Variants in OXR1 observed in about 807,000 individuals in gnomAD.
OXR1 encodes the protein oxidation resistance 1.
Under a neutral mutation model 104.6 loss-of-function variants are expected in OXR1, and 41 were observed. That is an observed-to-expected ratio of 0.39 (90% CI 0.31 to 0.51). The LOEUF (loss-of-function observed/expected upper bound fraction) is 0.51, where lower values mean the gene tolerates loss of function less well. Among genes scored for constraint, OXR1 ranks in the 20% least tolerant of loss-of-function variants. OXR1 has a pLI of 0.77. For synonymous variants in OXR1, 348 were observed against 348.4 expected, an observed-to-expected ratio of 1.00 and a Z score of 0.01; for missense variants, 955 against 1,031.9, an observed-to-expected ratio of 0.93 and a Z score of 1.02.
chr8:106,509,172 G>A (rs999975708), intron 2 of OXR1, among the ~76,000 whole-genome samples: 1 of 152,120 alleles, frequency 6.6e-6, no homozygotes, highest in African/African-American at 2.4e-5. Flanking sequence ...ATCTCTGTGA[G>A]TTACTGCAAA....
At chr8:106,301,505 T>G (rs1263762311) in intron 1 of OXR1, among the ~76,000 whole-genome samples, 1 of 152,220 alleles carries the variant, frequency 6.6e-6, no homozygotes, top group Non-Finnish European at 1.5e-5. Context: ...ACTTTTGTAA[T>G]GCAGTTGTGT....
chr8:106,701,535 G>A (rs189637493), intron 7 of OXR1, among the ~76,000 whole-genome samples: 75 of 152,262 alleles, frequency 4.9e-4, no homozygotes, highest in Non-Finnish European at 8.7e-4. Context: ...TGGATAAGAA[G>A]CTATTTAGTT....
chr8:106,586,057 G>A (rs1818605826), intron 3 of OXR1, among the ~76,000 whole-genome samples: 1 of 152,154 alleles, frequency 6.6e-6, no homozygotes, highest in Admixed American at 6.5e-5. Flanking sequence ...GTGATTTTGA[G>A]CAATGATTTG....
At chr8:106,606,201 C>G (rs1271683353) in intron 3 of OXR1, among the ~76,000 whole-genome samples, 1 of 152,110 alleles carries the variant, frequency 6.6e-6, no homozygotes, top group South Asian at 2.1e-4. Flanking sequence ...TAGAGGCCCC[C>G]TACTTTCCCT....
At chr8:106,613,508 C>T (rs1179398410) in intron 3 of OXR1, among the ~76,000 whole-genome samples, 1 of 152,236 alleles carries the variant, frequency 6.6e-6, no homozygotes, top group African/African-American at 2.4e-5. Context: ...AAGCAAGTCT[C>T]CTACCTCATT....
intron 3 of OXR1, among the ~76,000 whole-genome samples, chr8:106,523,236 A>C (rs1375985813): frequency 6.6e-6 from 1 of 152,210 alleles, no homozygotes; most frequent in Non-Finnish European, 1.5e-5. Context: ...CTCTGCTCTT[A>C]AAGAATTCAT....
At chr8:106,272,665 A>C (rs1018564837) in intron 1 of OXR1, 1 of 152,226 alleles carries the variant, frequency 6.6e-6, no homozygotes, top group Non-Finnish European at 1.5e-5. Flanking sequence ...TCCATGTGAC[A>C]GTGGCTGGCT....
intron 11 of OXR1, among the ~76,000 whole-genome samples, chr8:106,729,026 G>A (rs762197817): frequency 1.3e-5 from 2 of 152,148 alleles, no homozygotes; most frequent in Non-Finnish European, 2.9e-5. Context: ...TTTAGGAAGA[G>A]CTAATTTAAA....
chr8:106,442,166 G>A (rs779346708), intron 2 of OXR1, among the ~76,000 whole-genome samples: 8 of 152,126 alleles, frequency 5.3e-5, no homozygotes, highest in Non-Finnish European at 1.0e-4. Context: ...CATCTATTGA[G>A]ATAATCATGT....
intron 2 of OXR1, among the ~76,000 whole-genome samples, chr8:106,399,824 A>G (rs1239135318): frequency 1.3e-5 from 2 of 152,164 alleles, no homozygotes; most frequent in Non-Finnish European, 2.9e-5. Context: ...TTGAACTCAG[A>G]CAGTCTGATT....
intron 3 of OXR1, among the ~76,000 whole-genome samples, chr8:106,589,889 A>G (rs1183807108): frequency 6.6e-6 from 1 of 151,646 alleles, no homozygotes; most frequent in East Asian, 1.9e-4. Context: ...CTGGTCTTAA[A>G]CTCCCAACCT....
At chr8:106,570,424 GA>G (rs1817391337) in intron 3 of OXR1, among the ~76,000 whole-genome samples, 1 of 152,148 alleles carries the variant, frequency 6.6e-6, no homozygotes, top group African/African-American at 2.4e-5. Context: ...CAACATGAAC[GA>G]TTAGGAAGGA....
At chr8:106,633,571 C>G (rs1822885774) in intron 3 of OXR1, among the ~76,000 whole-genome samples, 1 of 152,112 alleles carries the variant, frequency 6.6e-6, no homozygotes, top group Non-Finnish European at 1.5e-5. Context: ...AAGTGTAGAA[C>G]AATGTTGGGC....
At chr8:106,295,488 C>T (rs535647235) in intron 1 of OXR1, among the ~76,000 whole-genome samples, 15 of 151,838 alleles carry the variant, frequency 9.9e-5, no homozygotes, top group Non-Finnish European at 1.5e-4. Context: ...ATGTTATGCA[C>T]GACTCATTAT....
At chr8:106,652,248 G>A (rs979903616) in intron 3 of OXR1, among the ~76,000 whole-genome samples, 5 of 152,104 alleles carry the variant, frequency 3.3e-5, no homozygotes, top group African/African-American at 9.7e-5. Flanking sequence ...AATTTGCTGA[G>A]AGTGAGCTTG....
intron 3 of OXR1, among the ~76,000 whole-genome samples, chr8:106,520,828 A>G (rs1298728216): frequency 6.6e-6 from 1 of 152,232 alleles, no homozygotes; most frequent in African/African-American, 2.4e-5. Context: ...TCAGCAAATA[A>G]AGCTTATCCT....
intron 15 of OXR1, among the ~76,000 whole-genome samples, chr8:106,743,122 G>A (rs953121519): frequency 7.2e-5 from 11 of 152,028 alleles, no homozygotes; most frequent in Admixed American, 5.2e-4. Context: ...TGAAAAGTGG[G>A]CAAAGACACT....
chr8:106,618,116 A>T (rs1350518933), intron 3 of OXR1: 15 of 1,535,952 alleles, frequency 9.8e-6, no homozygotes, highest in African/African-American at 1.4e-5. Flanking sequence ...CCTCTTCTTG[A>T]AAGCAGCTCA....
At chr8:106,282,572 A>G (rs1586468658) in intron 1 of OXR1, among the ~76,000 whole-genome samples, 1 of 152,224 alleles carries the variant, frequency 6.6e-6, no homozygotes, top group East Asian at 1.9e-4. Context: ...TGTGATATGT[A>G]TTATATACTG....
Sources: allele counts gnomAD v4.1 joint callset (sites outside exome capture counted in the v4.1 genomes callset), GRCh38; gene constraint gnomAD v4.1.1; transcripts MANE v1.5; gene names NCBI Gene and HGNC (gene_info 2026-07-23, HGNC 2026-07-21).